The following KIF21A variants were observed in gnomAD, a reference collection of about 807,000 sequenced individuals.
The protein encoded by KIF21A is kinesin family member 21A.
A neutral mutation model predicts 202.9 loss-of-function variants in KIF21A; 114 were observed. That is an observed-to-expected ratio of 0.56 (90% CI 0.48 to 0.66). The LOEUF (loss-of-function observed/expected upper bound fraction) is 0.66. KIF21A is among the 30% of genes least tolerant of loss of function. The pLI is 0.00. For synonymous variants in KIF21A, 667 were observed against 670.8 expected (o/e 0.99, Z 0.09); for missense variants, 1,677 against 1,994.9 (o/e 0.84, Z 3.04).
rs534850161 is a variant in KIF21A, at chr12:39,327,453, C to T, written c.3341-1129G>A. Among the ~76,000 whole-genome samples, 3 of 152,244 alleles carry T rather than the reference C, an allele frequency of 2.0e-5. No homozygotes were observed. In the East Asian group the frequency reaches 5.8e-4, roughly 29 times the overall value. On this transcript the variant is annotated intron_variant, in intron 24 of 37. Transcript: ENST00000361418. ...GAAAAGATAACTGAGTTCTAAGGTACTGAATTAGTCAGTAACATAGAAAAT... is the reference window on the plus strand; with the variant it reads ...GAAAAGATAACTGAGTTCTAAGGTATTGAATTAGTCAGTAACATAGAAAAT...
At chr12:39,372,149 T>G (rs555943159) in intron 1 of KIF21A, among the ~76,000 whole-genome samples, 1 of 152,048 alleles carries the variant, frequency 6.6e-6, no homozygotes, top group Non-Finnish European at 1.5e-5. Context: ...TCTTTCCAGT[T>G]CATTAAAATA....
intron 1 of KIF21A, among the ~76,000 whole-genome samples, chr12:39,376,652 G>A (rs1333767092): frequency 2.0e-5 from 3 of 152,114 alleles, no homozygotes; most frequent in African/African-American, 4.8e-5. Flanking sequence ...TATAACTTAC[G>A]TGTGCAAGAA....
At chr12:39,339,117 A>G (rs1947229471) in intron 16 of KIF21A, among the ~76,000 whole-genome samples, 1 of 152,018 alleles carries the variant, frequency 6.6e-6, no homozygotes, top group African/African-American at 2.4e-5. Context: ...TGTCTCCACT[A>G]AAAATACAAA....
At chr12:39,389,179 T>TACACACACACAC (rs10632410) in intron 1 of KIF21A, among the ~76,000 whole-genome samples, 151 of 142,172 alleles carry the variant, frequency 1.1e-3, no homozygotes, top group African/African-American at 3.8e-3. Context: ...TAAATACACA[T>TACACACACACAC]ACACACACAC....
chr12:39,333,173 C>T, intron 18 of KIF21A, 39 bp downstream of exon 18: 2 of 1,607,676 alleles, frequency 1.2e-6, no homozygotes, highest in Non-Finnish European at 1.7e-6. Context: ...ATCTCAAAGT[C>T]AGAAGGTTTC....
At position 39,433,492 on chromosome 12, in the gene KIF21A, A is replaced by AG. The variant is rs1357902895; in HGVS notation, c.44+9434_44+9435insC. Among the ~76,000 whole-genome samples the AG allele has an allele frequency of 8.5e-5, 13 of 152,224 alleles. No homozygotes were observed. In the East Asian group the frequency reaches 2.1e-3, roughly 25 times the overall value. ...AGTGTAATACTTCTTGCCAAGGTTG[A>AG]TGAAAGGAAGCAAAAGGAAAGCATT... is the stretch of plus-strand genomic sequence containing the variant. On this transcript the variant is annotated intron_variant, in intron 1 of 37. Coordinates refer to ENST00000361418, the MANE Select transcript of KIF21A (RefSeq NM_001173464.2).
intron 1 of KIF21A, among the ~76,000 whole-genome samples, chr12:39,416,715 G>A (rs10686158): frequency 0.069 from 5,025 of 73,240 alleles, 590 homozygotes; most frequent in South Asian, 0.21. Context: ...ATATATGTGT[G>A]TATATATGTA....
chr12:39,325,980 A>AC (rs1945862841), intron 25 of KIF21A, 87 bp from the exon 26 acceptor site: 2 of 942,510 alleles, frequency 2.1e-6, no homozygotes, highest in Admixed American at 1.9e-5. Context: ...GACTACAAAA[A>AC]ATTTATATGC....
rs1555200427 is a variant in KIF21A, at chr12:39,421,742, T to TATATAC, written c.44+21184_44+21185insGTATAT. Among the ~76,000 whole-genome samples, 75 of 143,004 alleles carry TATATAC rather than the reference T, an allele frequency of 5.2e-4. 1 individual carries two copies. Among genetic ancestry groups the TATATAC allele is most frequent in the Admixed American group, 2.2e-3 (31 of 13,840 alleles). 93.8% of individuals were successfully genotyped at this position (143,004 alleles called of 152,430 possible). ...TATAATTTATATATATATATATATA[T>TATATAC]ACACATACACACATATATATTTATT... On this transcript the variant is annotated intron_variant, in intron 1 of 37. Transcript: ENST00000361418.
At chr12:39,328,008 T>TA (rs926027053) in intron 24 of KIF21A, among the ~76,000 whole-genome samples, 4 of 152,176 alleles carry the variant, frequency 2.6e-5, no homozygotes, top group Non-Finnish European at 5.9e-5. Context: ...AAAAAGTTTT[T>TA]TATATATATA....
chr12:39,392,198 T>C (rs1433047607), intron 1 of KIF21A, among the ~76,000 whole-genome samples: 3 of 152,158 alleles, frequency 2.0e-5, no homozygotes, highest in African/African-American at 4.8e-5. Flanking sequence ...TAGTTAGAGC[T>C]AATTAACAGA....
Position 39,351,774 on chromosome 12 carries a change from C to T in KIF21A, c.1673+3G>A, listed in dbSNP as rs377073678. The T allele has an allele frequency of 2.0e-6, 3 of 1,518,046 alleles. No individual in the cohort carries two copies. The highest frequency in any genetic ancestry group is 1.7e-5 in the Admixed American group (1 of 59,368). 94.0% of individuals were successfully genotyped at this position (1,518,046 alleles called of 1,614,324 possible). A position where few individuals can be genotyped will look rare whatever the true frequency, so the allele number is the denominator to read the frequency against. The stretch of plus-strand genomic sequence containing the variant: ...TCATTTAGTGGTGATTTTATAATCC[C>T]ACCTTTTTTTCTTCCTCTTTTCTTT... On this transcript the variant is annotated splice_donor_region_variant and intron_variant, in intron 11 of 37. Coordinates refer to ENST00000361418, the MANE Select transcript of KIF21A (RefSeq NM_001173464.2).
At chr12:39,329,081 C>A (rs1279877162) in intron 24 of KIF21A, among the ~76,000 whole-genome samples, 1 of 152,222 alleles carries the variant, frequency 6.6e-6, no homozygotes. Flanking sequence ...TGGAGAACAA[C>A]TAAATGATTT....
rs77242017 is a variant in KIF21A at position 39,294,006 on chromosome 12, T to C, written c.*418A>G. On this transcript the variant is annotated 3_prime_UTR_variant, in exon 38 of 38. Transcript: ENST00000361418. ...AAGCAAACCACAATTTGACTAACAT[T>C]TTCAATATTTAGTTTAAATACATAA... 9,774 of 169,238 alleles carry C rather than the reference T, an allele frequency of 0.058. 1,038 individuals are homozygous for C. The highest frequency in any genetic ancestry group is 0.22 in the African/African-American group (9,222 of 41,654). The allele number at this position is 169,238 out of a possible 1,614,324, so 10.5% of individuals were successfully genotyped here.
Position 39,384,158 on chromosome 12 carries a change from C to T in KIF21A, c.45-13897G>A, listed in dbSNP as rs148537177. On this transcript the variant is annotated intron_variant, in intron 1 of 37. Transcript: ENST00000361418. ...GTGGGATTTTTGAGGAAAAGGAAATCAAATGTAAAATAAATCAACCAAAGA... is the reference window on the plus strand; with the variant it reads ...GTGGGATTTTTGAGGAAAAGGAAATTAAATGTAAAATAAATCAACCAAAGA... Among the ~76,000 whole-genome samples the T allele has an allele frequency of 3.4e-3, 514 of 152,092 alleles. 4 individuals carry two copies. The highest frequency in any genetic ancestry group is 5.2e-3 in the Non-Finnish European group (351 of 67,980).
intron 31 of KIF21A, chr12:39,312,608 G>C (rs1944143607): frequency 6.6e-6 from 1 of 151,900 alleles, no homozygotes; most frequent in African/African-American, 2.4e-5. Context: ...TTGCATGCCT[G>C]TATCCAAACA....
At chr12:39,418,398 C>T (rs1002197524) in intron 1 of KIF21A, among the ~76,000 whole-genome samples, 2 of 152,164 alleles carry the variant, frequency 1.3e-5, no homozygotes, top group East Asian at 1.9e-4. Flanking sequence ...TCAATCCCCT[C>T]CAAAAATGCA....
chr12:39,317,680 A>T (rs1316337817), intron 29 of KIF21A, among the ~76,000 whole-genome samples: 1 of 152,188 alleles, frequency 6.6e-6, no homozygotes, highest in Non-Finnish European at 1.5e-5. Context: ...TATATCCCCC[A>T]GAAGTAAAGT....
In KIF21A at chr12:39,326,231, A is replaced by G. The variant is rs371022867; in HGVS notation, c.3401+33T>C. 1.4e-4 allele frequency: 209 copies of G among 1,455,636 alleles called. 1 individual carries two copies. The highest frequency in any genetic ancestry group is 6.2e-4 in the Admixed American group (37 of 59,734). 90.2% of individuals were successfully genotyped at this position (1,455,636 alleles called of 1,614,324 possible). A position where few individuals can be genotyped will look rare whatever the true frequency, so the allele number is the denominator to read the frequency against. On this transcript the variant is annotated intron_variant, in intron 25 of 37. Coordinates refer to ENST00000361418, the MANE Select transcript of KIF21A (RefSeq NM_001173464.2). ...TGAAAGTATTTAAAATATGTAAATAAGTCAACTCTATTGTTTCTAAAGGCC... is the reference window on the plus strand; with the variant it reads ...TGAAAGTATTTAAAATATGTAAATAGGTCAACTCTATTGTTTCTAAAGGCC...
Sources: gnomAD v4.1 joint callset for allele counts (sites outside exome capture counted in the v4.1 genomes callset) on GRCh38, gnomAD v4.1.1 for gene constraint, MANE v1.5 for transcripts, NCBI Gene and HGNC (gene_info 2026-07-23, HGNC 2026-07-21) for gene names.